FARS2: variants seen among roughly 807,000 people sequenced by gnomAD.
FARS2 encodes the protein phenylalanyl-tRNA synthetase 2, mitochondrial.
A neutral mutation model predicts 46.4 loss-of-function variants in FARS2; 40 were observed. The observed-to-expected ratio is 0.86, with a 90% confidence interval of 0.67 to 1.12. FARS2 has a LOEUF of 1.12. Ranked by LOEUF, FARS2 falls within the 50% of genes most tolerant of loss-of-function variation. The pLI, the probability that FARS2 is intolerant of heterozygous loss-of-function variation, is 0.00. For missense variants in FARS2, 513 were observed against 567.9 expected (o/e 0.90, Z 0.98); for synonymous variants, 234 against 214.9 (o/e 1.09, Z -0.78).
intron 6 of FARS2, among the ~76,000 whole-genome samples, chr6:5,660,674 CAGTG>C (rs914152314): frequency 7.0e-5 from 10 of 141,932 alleles, no homozygotes; most frequent in Non-Finnish European, 1.4e-4. Context: ...AAAAAAGTAA[CAGTG>C]AGCAGTGGAG....
In FARS2 at chr6:5,385,388, G is replaced by A. The variant is rs139625275; in HGVS notation, c.612+16206G>A. On this transcript the variant is annotated intron_variant, in intron 2 of 6. Transcript: ENST00000274680. ...TTGAATTTGCTTGCTGCATTTGGGG[G>A]AGATGAAGGCTTGGGAGTTTCTTTT... Among the ~76,000 whole-genome samples, 397 of 152,086 alleles carry A rather than the reference G, an allele frequency of 2.6e-3. 4 individuals carry two copies. The highest frequency in any genetic ancestry group is 9.2e-3 in the African/African-American group (382 of 41,468).
intron 4 of FARS2, among the ~76,000 whole-genome samples, chr6:5,440,544 T>G (rs1177996908): frequency 2.0e-5 from 3 of 152,258 alleles, no homozygotes; most frequent in Non-Finnish European, 4.4e-5. Context: ...AGGTTTATGA[T>G]GCATATTCAT....
intron 1 of FARS2, among the ~76,000 whole-genome samples, chr6:5,321,365 A>G (rs1769960330): frequency 1.3e-5 from 2 of 152,224 alleles, no homozygotes; most frequent in African/African-American, 4.8e-5. Flanking sequence ...CGTAGCCTTT[A>G]AGGTAGATCT....
Position 5,533,121 on chromosome 6 carries a change from G to A in FARS2, c.905-12059G>A, listed in dbSNP as rs542043146. The stretch of plus-strand genomic sequence containing the variant: ...GAAGCAGAAGTGGTGATAAGATCCT[G>A]GGCCTCAGGGGACTTGCGACGCTGT... On this transcript the variant is annotated intron_variant, in intron 4 of 6. Coordinates refer to ENST00000274680, the MANE Select transcript of FARS2 (RefSeq NM_006567.5). Among the ~76,000 whole-genome samples, 3 of 152,230 alleles carry A rather than the reference G, an allele frequency of 2.0e-5. No individual in the cohort carries two copies. In the East Asian group the frequency reaches 5.8e-4, roughly 29 times the overall value.
intron 4 of FARS2, among the ~76,000 whole-genome samples, chr6:5,458,261 G>T (rs1456323802): frequency 1.3e-5 from 2 of 152,220 alleles, no homozygotes; most frequent in Non-Finnish European, 2.9e-5. Flanking sequence ...TCCTGGCTTG[G>T]CAGGAAAGGG....
chr6:5,717,908 C>CCATATATATATATATATATATATATA (rs1554128848), intron 6 of FARS2, among the ~76,000 whole-genome samples: 1 of 77,724 alleles, frequency 1.3e-5, no homozygotes, highest in Admixed American at 1.1e-4. Flanking sequence ...AAGGTATCAG[C>CCATATATATATATATATATATATATA]TATATATATA....
At chr6:5,410,556 G>C (rs1761888502) in intron 3 of FARS2, among the ~76,000 whole-genome samples, 1 of 152,064 alleles carries the variant, frequency 6.6e-6, no homozygotes, top group Non-Finnish European at 1.5e-5. Context: ...AATTTTGCTA[G>C]CTTCTGAAAA....
At chr6:5,549,931 A>G (rs1338289524) in intron 5 of FARS2, among the ~76,000 whole-genome samples, 1 of 152,104 alleles carries the variant, frequency 6.6e-6, no homozygotes, top group African/African-American at 2.4e-5. Context: ...ATGTCATCTA[A>G]ATATCATCAG....
At chr6:5,643,174 G>A (rs73360301) in intron 6 of FARS2, among the ~76,000 whole-genome samples, 11,124 of 152,188 alleles carry the variant, frequency 0.073, 1,150 homozygotes, top group African/African-American at 0.23. Context: ...GTCTTCACAC[G>A]CACAAATTTT....
intron 4 of FARS2, among the ~76,000 whole-genome samples, chr6:5,529,311 CT>C (rs538727001): frequency 2.0e-5 from 3 of 151,920 alleles, no homozygotes; most frequent in African/African-American, 4.8e-5. Flanking sequence ...GTCACAGTAA[CT>C]TTTTTTTCTT....
chr6:5,643,569 C>G (rs1776929637), intron 6 of FARS2, among the ~76,000 whole-genome samples: 1 of 152,210 alleles, frequency 6.6e-6, no homozygotes, highest in Admixed American at 6.5e-5. Context: ...GTTAAGGTAA[C>G]TTATCACATG....
intron 4 of FARS2, among the ~76,000 whole-genome samples, chr6:5,528,299 G>A (rs1472022304): frequency 6.6e-6 from 1 of 151,974 alleles, no homozygotes; most frequent in Non-Finnish European, 1.5e-5. Flanking sequence ...TGAGTAGCTG[G>A]GACTACAGGT....
intron 4 of FARS2, among the ~76,000 whole-genome samples, chr6:5,519,591 T>C (rs58867246): frequency 0.11 from 16,862 of 152,186 alleles, 994 homozygotes; most frequent in Middle Eastern, 0.16. Context: ...TTAATTTCTG[T>C]ACTCCCAACA....
intron 4 of FARS2, among the ~76,000 whole-genome samples, chr6:5,532,274 C>A (rs1221513671): frequency 6.6e-6 from 1 of 152,222 alleles, no homozygotes; most frequent in African/African-American, 2.4e-5. Flanking sequence ...AGGGGAACAT[C>A]TACTGGGTGT....
Position 5,567,331 on chromosome 6 carries a change from A to G in FARS2, c.1065+21991A>G, listed in dbSNP as rs143501477. Among the ~76,000 whole-genome samples, 533 of 152,190 alleles carry G rather than the reference A, an allele frequency of 3.5e-3. 8 individuals are homozygous for G. The highest frequency in any genetic ancestry group is 0.012 in the African/African-American group (497 of 41,544). The stretch of plus-strand genomic sequence containing the variant: ...TCATCTTTGGAGAAATGTCCTTTCG[A>G]GTACTTTGCGCATTTTTTAATTGAG... On this transcript the variant is annotated intron_variant, in intron 5 of 6. Coordinates refer to ENST00000274680, the MANE Select transcript of FARS2 (RefSeq NM_006567.5).
At chr6:5,758,962 T>C (rs1204578621) in intron 6 of FARS2, among the ~76,000 whole-genome samples, 2 of 150,134 alleles carry the variant, frequency 1.3e-5, no homozygotes, top group African/African-American at 2.5e-5. Context: ...GGCAGAGAGA[T>C]TGGGGTTCTG....
upstream of FARS2, among the ~76,000 whole-genome samples, chr6:5,259,262 T>A (rs75369594): frequency 6.6e-6 from 1 of 152,380 alleles, no homozygotes; most frequent in East Asian, 1.9e-4. Flanking sequence ...GGTTTCTATT[T>A]ATTTAACTTG....
chr6:5,361,982 G>T (rs1758334183), intron 1 of FARS2, among the ~76,000 whole-genome samples: 1 of 152,168 alleles, frequency 6.6e-6, no homozygotes, highest in South Asian at 2.1e-4. Context: ...TTTACTAGTT[G>T]TTGTCATTGT....
chr6:5,687,454 G>A (rs1427232732), intron 6 of FARS2, among the ~76,000 whole-genome samples: 2 of 152,098 alleles, frequency 1.3e-5, no homozygotes, highest in Non-Finnish European at 2.9e-5. Flanking sequence ...ATTAAATAGG[G>A]AATCCTTTCC....
Sources: allele counts gnomAD v4.1 joint callset (sites outside exome capture counted in the v4.1 genomes callset), GRCh38; gene constraint gnomAD v4.1.1; transcripts MANE v1.5; gene names NCBI Gene and HGNC (gene_info 2026-07-23, HGNC 2026-07-21).